The following CAB39 variants were observed in gnomAD, a reference collection of about 807,000 sequenced individuals.
CAB39 encodes the protein calcium-binding protein 39.
CAB39 carries 8 observed loss-of-function variants against 40.0 expected under a neutral mutation model. That is an observed-to-expected ratio of 0.20 (90% CI 0.12 to 0.36). The LOEUF is 0.36. Among genes scored for constraint, CAB39 ranks in the 10% least tolerant of loss-of-function variants. The pLI is 1.00. For missense variants in CAB39, 270 were observed against 401.1 expected (o/e 0.67, Z 2.79); for synonymous variants, 156 against 141.6 (o/e 1.10, Z -0.72).
chr2:230,817,629 G>T (rs1447888466), intron 7 of CAB39, 125 bp from the exon 8 acceptor site: 1 of 684,250 alleles, frequency 1.5e-6, no homozygotes. Flanking sequence ...ATTCAGTTCA[G>T]TTCTTCGGTC....
chr2:230,758,317 AT>A (rs1392579227), intron 1 of CAB39, among the ~76,000 whole-genome samples: 6 of 151,512 alleles, frequency 4.0e-5, no homozygotes, highest in South Asian at 2.1e-4. Flanking sequence ...AAAAAAAAAA[AT>A]CCTTGGATAT....
intron 5 of CAB39, among the ~76,000 whole-genome samples, chr2:230,799,939 G>T (rs572171098): frequency 6.6e-6 from 1 of 150,836 alleles, no homozygotes; most frequent in Non-Finnish European, 1.5e-5. Context: ...GTGGTAACCC[G>T]AGAATCACAC....
chr2:230,714,031 G>A (rs1055154751), intron 1 of CAB39: 1 of 152,402 alleles, frequency 6.6e-6, no homozygotes, highest in South Asian at 2.1e-4. Context: ...GGCCTGATGG[G>A]ATTTAGGAGA....
intron 1 of CAB39, among the ~76,000 whole-genome samples, chr2:230,749,474 C>G (rs1023867795): frequency 4.6e-5 from 7 of 151,976 alleles, no homozygotes; most frequent in Middle Eastern, 3.2e-3. Flanking sequence ...AAATACTTAA[C>G]CTTAGAAAAA....
At chr2:230,800,719 C>A (rs1296892905) in intron 5 of CAB39, among the ~76,000 whole-genome samples, 2 of 152,158 alleles carry the variant, frequency 1.3e-5, no homozygotes, top group African/African-American at 2.4e-5. Context: ...TGGGAGAATG[C>A]AGCAAGACCC....
At chr2:230,801,489 TC>T (rs960238105) in intron 5 of CAB39, among the ~76,000 whole-genome samples, 2 of 152,152 alleles carry the variant, frequency 1.3e-5, no homozygotes, top group African/African-American at 4.8e-5. Context: ...AAGAGCGCCC[TC>T]CCAGAAAACG....
chr2:230,786,348 C>CT (rs896871561), intron 2 of CAB39, among the ~76,000 whole-genome samples: 6 of 129,612 alleles, frequency 4.6e-5, no homozygotes, highest in Non-Finnish European at 9.7e-5. Context: ...TCTTTCCTTC[C>CT]TTTTTTTGGG....
intron 1 of CAB39, among the ~76,000 whole-genome samples, chr2:230,745,799 G>A (rs1694962673): frequency 6.6e-6 from 1 of 151,946 alleles, no homozygotes; most frequent in Non-Finnish European, 1.5e-5. Context: ...GCTAATTTTT[G>A]TACTTTTAGT....
chr2:230,811,602 T>C (rs923272353), intron 6 of CAB39, among the ~76,000 whole-genome samples: 5 of 152,204 alleles, frequency 3.3e-5, no homozygotes, highest in African/African-American at 1.2e-4. Flanking sequence ...TGGTAGGACT[T>C]CAGCAACTGC....
chr2:230,732,814 C>A (rs1694718355), intron 1 of CAB39, among the ~76,000 whole-genome samples: 1 of 152,112 alleles, frequency 6.6e-6, no homozygotes. Context: ...GCCCACCTGG[C>A]CTGGGTCAGT....
intron 1 of CAB39, among the ~76,000 whole-genome samples, chr2:230,755,053 A>G (rs1695166444): frequency 6.6e-6 from 1 of 152,092 alleles, no homozygotes; most frequent in African/African-American, 2.4e-5. Flanking sequence ...CATCATATAT[A>G]TACATACATA....
intron 3 of CAB39, among the ~76,000 whole-genome samples, chr2:230,791,457 G>A (rs1014804578): frequency 6.6e-6 from 1 of 152,160 alleles, no homozygotes; most frequent in Admixed American, 6.5e-5. Context: ...TTATGTCTTC[G>A]TTACCTGTTA....
At chr2:230,791,061 A>T (rs1307168806) in intron 3 of CAB39, 25 bp downstream of exon 3, 5 of 1,499,624 alleles carry the variant, frequency 3.3e-6, no homozygotes, top group Non-Finnish European at 3.6e-6. Context: ...TCTTATTTTT[A>T]AAAAACAGTA....
chr2:230,742,843 C>T (rs978130197), intron 1 of CAB39, among the ~76,000 whole-genome samples: 4 of 149,452 alleles, frequency 2.7e-5, no homozygotes, highest in African/African-American at 9.7e-5. Context: ...TGTTGATTAG[C>T]TGGCAAAGAA....
chr2:230,782,603 C>G (rs2124946041), intron 2 of CAB39, among the ~76,000 whole-genome samples: 1 of 152,000 alleles, frequency 6.6e-6, no homozygotes, highest in South Asian at 2.1e-4. Flanking sequence ...GTGTATTCTC[C>G]CAGAGTATTT....
chr2:230,792,515 C>A (rs538425353), intron 3 of CAB39, among the ~76,000 whole-genome samples: 1 of 152,282 alleles, frequency 6.6e-6, no homozygotes, highest in South Asian at 2.1e-4. Context: ...TCAGAAATGC[C>A]ACTTGGAGTC....
At chr2:230,738,586 A>G (rs536690787) in intron 1 of CAB39, among the ~76,000 whole-genome samples, 22 of 152,368 alleles carry the variant, frequency 1.4e-4, no homozygotes, top group Non-Finnish European at 2.5e-4. Flanking sequence ...GTGATCATCT[A>G]CAGGGCTGTG....
chr2:230,766,276 T>C (rs1347085864), intron 2 of CAB39, among the ~76,000 whole-genome samples: 1 of 152,186 alleles, frequency 6.6e-6, no homozygotes, highest in Non-Finnish European at 1.5e-5. Flanking sequence ...AAATAAAGAA[T>C]ATACCTATTG....
intron 7 of CAB39, 31 bp downstream of exon 7, chr2:230,814,145 CT>C: frequency 9.4e-7 from 1 of 1,066,574 alleles, no homozygotes; most frequent in South Asian, 1.4e-5. Context: ...TAGCTTATTT[CT>C]CTGTACCTTG....
Sources: allele counts gnomAD v4.1 joint callset (sites outside exome capture counted in the v4.1 genomes callset), GRCh38; gene constraint gnomAD v4.1.1; transcripts MANE v1.5; gene names NCBI Gene and HGNC (gene_info 2026-07-23, HGNC 2026-07-21).